Variants in GRINA observed in about 807,000 individuals in gnomAD.
GRINA encodes glutamate ionotropic receptor NMDA type subunit associated protein 1.
In GRINA, 26 loss-of-function variants were observed where a neutral mutation model predicts 42.5. That is an observed-to-expected ratio of 0.61 (90% confidence interval 0.45 to 0.85). The LOEUF (loss-of-function observed/expected upper bound fraction) is 0.85, where lower values mean the gene tolerates loss of function less well. GRINA is among the 40% of genes least tolerant of loss of function. GRINA has a pLI of 0.00. For synonymous variants in GRINA, 256 were observed against 204.2 expected, an observed-to-expected ratio of 1.25 and a Z score of -2.17; for missense variants, 475 against 481.5, an observed-to-expected ratio of 0.99 and a Z score of 0.13.
At position 143,991,950 on chromosome 8, in the gene GRINA, G is replaced by A. The variant is rs781876977; in HGVS notation, c.565G>A (p.Val189Met). 4.3e-5 allele frequency: 70 copies of A among 1,613,776 alleles called. No individual in the cohort carries two copies. Among genetic ancestry groups the A allele is most frequent in the Non-Finnish European group, 5.5e-5 (65 of 1,179,908 alleles). The change falls in exon 4 of 7, where the codon GTG becomes ATG. Residue 189 changes from valine to methionine, a missense_variant. Around this residue, in one of 2 missense-constraint regions of GRINA, gnomAD observed 321 missense variants for 267.2 expected, o/e 1.20. Transcript: ENST00000395068. Reference protein sequence around the residue: ...TVSVFTFVAEVKGFVRENVWT... With the variant: ...TVSVFTFVAEMKGFVRENVWT... ...GTCTGTGTTCACTTTTGTTGCGGAG[G>A]TGAAGGGCTTTGTCCGGGAGAATGT...
rs1452445129 is a variant in GRINA, at chr8:143,990,553, C to G, written c.-25+354C>G. On this transcript the variant is annotated intron_variant, in intron 1 of 6. Coordinates refer to ENST00000395068, the MANE Select transcript of GRINA (RefSeq NM_001009184.2). The surrounding 1 kb of genome is among the most constrained non-coding windows in gnomAD (Gnocchi z 5.6). ...CGCCCGCTTTGTTCCCCGCACGCCC[C>G]GTGGTCGCTTCCATCCCCCACACAC... is the stretch of plus-strand genomic sequence containing the variant. The G allele has an allele frequency of 6.6e-6, 1 of 152,324 alleles. No homozygotes were observed. The allele number at this position is 152,324 out of a possible 1,614,324, so 9.4% of individuals were successfully genotyped here. A position where few individuals can be genotyped will look rare whatever the true frequency, so the allele number is the denominator to read the frequency against.
chr8:143,992,047 G>A lies in GRINA; in HGVS notation c.662G>A (p.Arg221Gln), dbSNP rs1445136914. Residue 221 changes from arginine (R) to glutamine (Q), a missense_variant, in exon 4 of 7, where the codon CGG (arginine) becomes CAG (glutamine). This residue lies in a region of GRINA where 154 missense variants were observed against 214.2 expected (regional missense o/e 0.72). Coordinates refer to ENST00000395068, the MANE Select transcript of GRINA (RefSeq NM_001009184.2). Reference protein sequence around the residue: ...LIVLSCCGDFRRKHPWNLVAL... With the variant: ...LIVLSCCGDFQRKHPWNLVAL... ...GTCCTCAGCTGTTGTGGGGACTTCC[G>A]GCGAAAGCACCCCTGGAACCTTGTT... is the stretch of plus-strand genomic sequence containing the variant. The A allele has an allele frequency of 6.2e-6, 10 of 1,613,790 alleles. No homozygotes were observed. Among genetic ancestry groups the A allele is most frequent in the East Asian group, 4.5e-5 (2 of 44,896 alleles).
In GRINA at chr8:143,992,580, C is replaced by T; in HGVS notation, c.938C>T (p.Ala313Val). Residue 313 changes from alanine (A) to valine (V), a missense_variant, in exon 6 of 7, where the codon GCC becomes GTC. By Grantham distance (64) the Ala-to-Val change is moderately conservative. Coordinates refer to ENST00000395068, the MANE Select transcript of GRINA (RefSeq NM_001009184.2). ...AACCGCATCCTGGAGATCGTGTACG[C>T]CTCACTGGGCGCTCTGCTCTTCACC... is the stretch of plus-strand genomic sequence containing the variant. ...IRNRILEIVY[A>V]SLGALLFTCF... 4.3e-6 allele frequency: 7 copies of T among 1,614,154 alleles called. No individual in the cohort carries two copies. Among genetic ancestry groups the T allele is most frequent in the Non-Finnish European group, 5.9e-6 (7 of 1,180,028 alleles).
rs1461550696 is a variant in GRINA at position 143,992,894 on chromosome 8, G to T, written c.*53G>T. ...AGGTGGCACGGCTGGCCTGGACCCTGCCCCTGGCACGGCAGTGCCAGCTGT... is the reference window on the plus strand; with the variant it reads ...AGGTGGCACGGCTGGCCTGGACCCTTCCCCTGGCACGGCAGTGCCAGCTGT... On this transcript the variant is annotated 3_prime_UTR_variant, in exon 7 of 7. Transcript: ENST00000395068. The T allele has an allele frequency of 2.6e-6, 4 of 1,555,488 alleles. No homozygotes were observed. The Admixed American group carries it at 7.1e-5, about 28-fold the overall frequency.
chr8:143,991,717 G>C lies in GRINA; in HGVS notation c.405G>C (p.Glu135Asp), dbSNP rs781935252. The change falls in exon 3 of 7, where the codon GAG becomes GAC. Residue 135 changes from glutamate to aspartate, a missense_variant. Glu to Asp is a conservative substitution (Grantham distance 45, BLOSUM62 2). This residue lies in a region of GRINA where 321 missense variants were observed against 267.2 expected (regional missense o/e 1.20). Transcript: ENST00000395068. Reference sequence around the variant, plus strand: ...CACCCCAGCATGGAAACTACCAGGAGGAGGGTCCCCCATCCTACTATGACA... The same window carrying C: ...CACCCCAGCATGGAAACTACCAGGACGAGGGTCCCCCATCCTACTATGACA... ...PDSPQHGNYQ[E>D]EGPPSYYDNQ... 29 of 1,613,482 alleles carry C rather than the reference G, an allele frequency of 1.8e-5. No individual in the cohort carries two copies. The highest frequency in any genetic ancestry group is 2.2e-5 in the Non-Finnish European group (26 of 1,179,624).
intron 5 of GRINA, 37 bp from the exon 6 acceptor site, chr8:143,992,428 G>A (rs1554750702): frequency 1.9e-6 from 3 of 1,613,400 alleles, no homozygotes; most frequent in Non-Finnish European, 8.5e-7. Context: ...AGCTTTCCCA[G>A]GCCCAGCCCC....
At position 143,990,301 on chromosome 8, in the gene GRINA, G is replaced by A. The variant is rs1236712225; in HGVS notation, c.-25+102G>A. 3 of 150,086 alleles carry A rather than the reference G, an allele frequency of 2.0e-5. No individual in the cohort carries two copies. The highest frequency in any genetic ancestry group is 6.6e-5 in the Admixed American group (1 of 15,112). 9.3% of individuals were successfully genotyped at this position (150,086 alleles called of 1,614,324 possible). A position where few individuals can be genotyped will look rare whatever the true frequency, so the allele number is the denominator to read the frequency against. ...ACGCGGATCTTGCGCATCCGAGCGT[G>A]GCCGCCTCGGGTCAGTAAGTTGGTC... On this transcript the variant is annotated intron_variant, in intron 1 of 6. Coordinates refer to ENST00000395068, the MANE Select transcript of GRINA (RefSeq NM_001009184.2). The surrounding 1 kb of genome is among the most constrained non-coding windows in gnomAD (Gnocchi z 5.6).
At chr8:143,991,022 C>G (rs1268442350) in intron 1 of GRINA, 178 bp from the exon 2 acceptor site, 1 of 431,516 alleles carries the variant, frequency 2.3e-6, no homozygotes, top group African/African-American at 2.1e-5. Flanking sequence ...CGCCGCCCGT[C>G]CGGTCCTCAC....
In GRINA at chr8:143,990,989, A is replaced by G. The variant is rs964282791; in HGVS notation, c.-24-211A>G. 91 of 341,150 alleles carry G rather than the reference A, an allele frequency of 2.7e-4. 1 individual carries two copies. In the Admixed American group the frequency reaches 2.8e-3, roughly 10 times the overall value. The allele number at this position is 341,150 out of a possible 1,614,324, so 21.1% of individuals were successfully genotyped here. A position where few individuals can be genotyped will look rare whatever the true frequency, so the allele number is the denominator to read the frequency against. On this transcript the variant is annotated intron_variant, in intron 1 of 6. Transcript: ENST00000395068. The surrounding 1 kb of genome is among the most constrained non-coding windows in gnomAD (Gnocchi z 5.6). ...CCCTCCCCCACCCTAAAGGCGGCCTAGAGCCCTGGGAAGGCCCCACGGCGC... is the reference window on the plus strand; with the variant it reads ...CCCTCCCCCACCCTAAAGGCGGCCTGGAGCCCTGGGAAGGCCCCACGGCGC...
In GRINA at chr8:143,992,797, A is replaced by G; in HGVS notation, c.1072A>G (p.Ile358Val). 6.2e-7 allele frequency: 1 copy of G among 1,613,784 alleles called. No individual in the cohort carries two copies. Among genetic ancestry groups the G allele is most frequent in the Non-Finnish European group, 8.5e-7 (1 of 1,179,862 alleles). ...ALNLYTDIIN[I>V]FLYILTIIGR... ...GAACCTGTACACAGACATCATCAACATCTTCCTGTACATCCTCACCATCAT... is the reference window on the plus strand; with the variant it reads ...GAACCTGTACACAGACATCATCAACGTCTTCCTGTACATCCTCACCATCAT... The change falls in exon 7 of 7, where the codon ATC becomes GTC. Residue 358 changes from isoleucine (I) to valine (V), a missense_variant. Coordinates refer to ENST00000395068, the MANE Select transcript of GRINA (RefSeq NM_001009184.2).
chr8:143,992,115 G>T (rs1248311208), intron 4 of GRINA, 37 bp downstream of exon 4: 2 of 1,605,220 alleles, frequency 1.2e-6, no homozygotes, highest in African/African-American at 1.3e-5. Flanking sequence ...CCTGGGTCCG[G>T]CCATGCAGTC....
At chr8:143,991,016 G>T in intron 1 of GRINA, 184 bp from the exon 2 acceptor site, 1 of 389,992 alleles carries the variant, frequency 2.6e-6, no homozygotes, top group South Asian at 5.1e-5. Context: ...CCACGGCGCC[G>T]CCCGTCCGGT....
chr8:143,991,439 T>C lies in GRINA; in HGVS notation c.216T>C (p.Gly72=), dbSNP rs1332964809. The C allele has an allele frequency of 1.4e-6, 2 of 1,439,760 alleles. No homozygotes were observed. Among genetic ancestry groups the C allele is most frequent in the Non-Finnish European group, 1.8e-6 (2 of 1,091,984 alleles). The allele number at this position is 1,439,760 out of a possible 1,614,324, so 89.2% of individuals were successfully genotyped here. ...SPYPQGGYPQ[G]PYPQGGYPQG... Reference sequence around the variant, plus strand: ...ACCCCCAAGGGGGCTACCCACAGGGTCCCTACCCCCAAGGGGGCTACCCAC... The same window carrying C: ...ACCCCCAAGGGGGCTACCCACAGGGCCCCTACCCCCAAGGGGGCTACCCAC... Residue 72 remains glycine, a synonymous_variant, in exon 2 of 7, where the codon GGT becomes GGC. Transcript: ENST00000395068.
Position 143,991,289 on chromosome 8 carries a change from G to A in GRINA, c.66G>A (p.Pro22=), listed in dbSNP as rs1554750388. ...ATCCTCCCCCCAACCCTGGATATCC[G>A]GGGGGGCCCCAGCCACCCATGCCCC... is the stretch of plus-strand genomic sequence containing the variant. ...DNYPPPNPGY[P]GGPQPPMPPY... The change falls in exon 2 of 7, where the codon CCG becomes CCA. Residue 22 remains proline, a synonymous_variant. Transcript: ENST00000395068. 6.8e-7 allele frequency: 1 copy of A among 1,462,998 alleles called. No homozygotes were observed. The highest frequency in any genetic ancestry group is 9.3e-7 in the Non-Finnish European group (1 of 1,079,772). The allele number at this position is 1,462,998 out of a possible 1,614,324, so 90.6% of individuals were successfully genotyped here. A position where few individuals can be genotyped will look rare whatever the true frequency, so the allele number is the denominator to read the frequency against.
In GRINA at chr8:143,992,812, C is replaced by G. The variant is rs782689091; in HGVS notation, c.1087C>G (p.Leu363Val). ...CATCATCAACATCTTCCTGTACATCCTCACCATCATTGGCCGCGCCAAGGA... is the reference window on the plus strand; with the variant it reads ...CATCATCAACATCTTCCTGTACATCGTCACCATCATTGGCCGCGCCAAGGA... ...TDIINIFLYILTIIGRAKE is the reference protein window; with the variant it reads ...TDIINIFLYIVTIIGRAKE Residue 363 changes from leucine to valine, a missense_variant, in exon 7 of 7, where the codon CTC becomes GTC. Leu to Val is a conservative substitution (Grantham distance 32). Coordinates refer to ENST00000395068, the MANE Select transcript of GRINA (RefSeq NM_001009184.2). 1 of 1,613,756 alleles carries G rather than the reference C, an allele frequency of 6.2e-7. No individual in the cohort carries two copies. The highest frequency in any genetic ancestry group is 8.5e-7 in the Non-Finnish European group (1 of 1,179,894).
rs782333262 is a variant in GRINA, at chr8:143,991,256, G to A, written c.33G>A (p.Gly11=). 10 of 1,570,170 alleles carry A rather than the reference G, an allele frequency of 6.4e-6. No homozygotes were observed. The South Asian group carries it at 9.2e-5, about 14-fold the overall frequency. The change falls in exon 2 of 7, where the codon GGG becomes GGA. Residue 11 remains glycine (G), a synonymous_variant. Coordinates refer to ENST00000395068, the MANE Select transcript of GRINA (RefSeq NM_001009184.2). ...ATGAAAAGAGTTTTTTGGTGTCTGG[G>A]GACAACTATCCTCCCCCCAACCCTG... is the stretch of plus-strand genomic sequence containing the variant. MSHEKSFLVS[G]DNYPPPNPGY...
Position 143,992,625 on chromosome 8 carries a change from C to T in GRINA, c.966+17C>T, listed in dbSNP as rs1554750746. The T allele has an allele frequency of 1.1e-5, 17 of 1,613,964 alleles. No individual in the cohort carries two copies. Among genetic ancestry groups the T allele is most frequent in the Non-Finnish European group, 1.4e-5 (16 of 1,180,010 alleles). On this transcript the variant is annotated intron_variant, in intron 6 of 6. Coordinates refer to ENST00000395068, the MANE Select transcript of GRINA (RefSeq NM_001009184.2). ...TTCACCTGCGTGAGTGAGGGGTGAC[C>T]TTGGCCGGGGGCGGGATGCTGGGCA...
At position 143,991,458 on chromosome 8, in the gene GRINA, T is replaced by C; in HGVS notation, c.235T>C (p.Tyr79His). The C allele has an allele frequency of 3.4e-6, 5 of 1,488,176 alleles. No individual in the cohort carries two copies. Among genetic ancestry groups the C allele is most frequent in the Non-Finnish European group, 4.5e-6 (5 of 1,121,904 alleles). The allele number at this position is 1,488,176 out of a possible 1,614,324, so 92.2% of individuals were successfully genotyped here. A position where few individuals can be genotyped will look rare whatever the true frequency, so the allele number is the denominator to read the frequency against. ...ACAGGGTCCCTACCCCCAAGGGGGC[T>C]ACCCACAGGGCCCCTACCCACAAGA... ...YPQGPYPQGG[Y>H]PQGPYPQEGY... Residue 79 changes from tyrosine to histidine, a missense_variant, in exon 2 of 7, where the codon TAC becomes CAC. Physicochemically the swap from Tyr to His is moderately conservative, Grantham distance 83 (BLOSUM62 2). Transcript: ENST00000395068.
rs1381238092 is a variant in GRINA at position 143,990,090 on chromosome 8, C to G, written c.-134C>G. On this transcript the variant is annotated 5_prime_UTR_variant, in exon 1 of 7. Coordinates refer to ENST00000395068, the MANE Select transcript of GRINA (RefSeq NM_001009184.2). The surrounding 1 kb of genome is among the most constrained non-coding windows in gnomAD (Gnocchi z 5.6). Reference sequence around the variant, plus strand: ...CGCTGCGTCTTCCGAGCCGCAGGCGCAGGCCCAGCTGAGCGGCCGCCGAGC... The same window carrying G: ...CGCTGCGTCTTCCGAGCCGCAGGCGGAGGCCCAGCTGAGCGGCCGCCGAGC... 1 of 151,280 alleles carries G rather than the reference C, an allele frequency of 6.6e-6. No homozygotes were observed. Among genetic ancestry groups the G allele is most frequent in the Non-Finnish European group, 1.5e-5 (1 of 67,720 alleles). 9.4% of individuals were successfully genotyped at this position (151,280 alleles called of 1,614,324 possible). A position where few individuals can be genotyped will look rare whatever the true frequency, so the allele number is the denominator to read the frequency against.
Sources: allele counts gnomAD v4.1 joint callset, GRCh38; gene constraint gnomAD v4.1.1; regional missense constraint gnomAD v4.1.1; non-coding constraint Gnocchi (gnomAD v3.1); transcripts MANE v1.5; gene names NCBI Gene and HGNC (gene_info 2026-07-23, HGNC 2026-07-21).